The following SDK1 variants were observed in gnomAD, a reference collection of about 807,000 sequenced individuals.
SDK1 encodes the protein sidekick cell adhesion molecule 1, also known as protein sidekick-1.
In SDK1, 157 loss-of-function variants were observed where a neutral mutation model predicts 245.5. The observed-to-expected ratio is 0.64, with a 90% CI of 0.56 to 0.73. SDK1 has a LOEUF of 0.73. SDK1 is among the 30% of genes least tolerant of loss of function. The pLI, the probability that SDK1 is intolerant of heterozygous loss-of-function variation, is 0.00. For synonymous variants in SDK1, 1,647 were observed against 1,278.5 expected, an observed-to-expected ratio of 1.29 and a Z score of -6.15; for missense variants, 3,583 against 3,002.3, an observed-to-expected ratio of 1.19 and a Z score of -4.52.
In SDK1 at chr7:3,484,473, A is replaced by G. The variant is rs547264910; in HGVS notation, c.299-134607A>G. On this transcript the variant is annotated intron_variant, in intron 1 of 44. Coordinates refer to ENST00000404826, the MANE Select transcript of SDK1 (RefSeq NM_152744.4). ...TCCCCATGTAGACCGAGGAACGGCTATATTTTCAGTTTGGTTGGAAAAATA... is the reference window on the plus strand; with the variant it reads ...TCCCCATGTAGACCGAGGAACGGCTGTATTTTCAGTTTGGTTGGAAAAATA... Among the ~76,000 whole-genome samples, 4 of 152,296 alleles carry G rather than the reference A, an allele frequency of 2.6e-5. No individual in the cohort carries two copies. In the South Asian group the frequency reaches 8.3e-4, roughly 32 times the overall value.
chr7:3,595,652 C>G (rs1781028987), intron 1 of SDK1, among the ~76,000 whole-genome samples: 1 of 151,514 alleles, frequency 6.6e-6, no homozygotes, highest in East Asian at 1.9e-4. Context: ...AGGGGTTTGA[C>G]CTTGACTCTG....
At chr7:3,302,625 CCCCGACAAAA>C (rs1779306356) in intron 1 of SDK1, among the ~76,000 whole-genome samples, 1 of 150,518 alleles carries the variant, frequency 6.6e-6, no homozygotes, top group South Asian at 2.1e-4. Context: ...CCCTCCCCGC[CCCCGACAAAA>C]CCCGTAACGT....
At chr7:3,615,878 T>C (rs1781752131) in intron 1 of SDK1, among the ~76,000 whole-genome samples, 1 of 144,800 alleles carries the variant, frequency 6.9e-6, no homozygotes, top group African/African-American at 2.7e-5. Context: ...CTTTTTGCTG[T>C]CTTTTTTTTT....
At chr7:3,861,602 A>G (rs980188851) in intron 5 of SDK1, among the ~76,000 whole-genome samples, 4 of 152,202 alleles carry the variant, frequency 2.6e-5, no homozygotes, top group African/African-American at 9.7e-5. Context: ...TCTTCACCAG[A>G]AGGGATGTCT....
intron 4 of SDK1, among the ~76,000 whole-genome samples, chr7:3,775,421 T>A (rs569943359): frequency 1.8e-4 from 28 of 152,110 alleles, no homozygotes; most frequent in South Asian, 8.3e-4. Context: ...AAAGCCTTTT[T>A]TTTTATTTTA....
chr7:3,311,759 A>G (rs1283664090), intron 1 of SDK1, among the ~76,000 whole-genome samples: 2 of 152,214 alleles, frequency 1.3e-5, no homozygotes, highest in Non-Finnish European at 2.9e-5. Context: ...AACTGTGGAC[A>G]AAATATAACA....
chr7:3,824,806 A>T (rs1236203669), intron 5 of SDK1, among the ~76,000 whole-genome samples: 1 of 152,202 alleles, frequency 6.6e-6, no homozygotes, highest in Non-Finnish European at 1.5e-5. Context: ...CATGACTGTT[A>T]GAACTGAGAT....
chr7:3,336,065 G>T (rs972740190), intron 1 of SDK1, among the ~76,000 whole-genome samples: 4 of 152,184 alleles, frequency 2.6e-5, no homozygotes, highest in Non-Finnish European at 4.4e-5. Flanking sequence ...AGTAGGCACA[G>T]ACAGCAAAAC....
chr7:4,251,136 A>T (rs907918554), intron 44 of SDK1, among the ~76,000 whole-genome samples: 1 of 152,208 alleles, frequency 6.6e-6, no homozygotes, highest in African/African-American at 2.4e-5. Flanking sequence ...TTTCTATATT[A>T]TATGGGGGGA....
At chr7:3,815,894 T>C (rs897122134) in intron 4 of SDK1, among the ~76,000 whole-genome samples, 2 of 146,214 alleles carry the variant, frequency 1.4e-5, no homozygotes, top group Non-Finnish European at 3.0e-5. Flanking sequence ...TAACAAACTA[T>C]CTCTCAGACC....
At chr7:4,249,293 A>T (rs955222399) in intron 44 of SDK1, among the ~76,000 whole-genome samples, 12 of 152,212 alleles carry the variant, frequency 7.9e-5, no homozygotes, top group African/African-American at 2.2e-4. Flanking sequence ...AGACCTCAGC[A>T]TCTAACTGGA....
intron 4 of SDK1, among the ~76,000 whole-genome samples, chr7:3,801,719 C>T (rs556626370): frequency 8.5e-5 from 13 of 152,302 alleles, no homozygotes; most frequent in African/African-American, 3.1e-4. Context: ...GTTCCTTCTC[C>T]TCTTGCTTCC....
chr7:3,410,640 G>A (rs983400688), intron 1 of SDK1, among the ~76,000 whole-genome samples: 2 of 140,918 alleles, frequency 1.4e-5, no homozygotes, highest in African/African-American at 5.4e-5. Flanking sequence ...AGGCTGGAGT[G>A]CAGTGGCACG....
At chr7:3,385,034 TG>T (rs35423455) in intron 1 of SDK1, among the ~76,000 whole-genome samples, 71,827 of 151,930 alleles carry the variant, frequency 0.47, 18,741 homozygotes, top group East Asian at 0.61. Flanking sequence ...TAGAGACACC[TG>T]AAACATCAAA....
At chr7:4,258,805 C>T (rs561309414) in intron 44 of SDK1, among the ~76,000 whole-genome samples, 1 of 152,178 alleles carries the variant, frequency 6.6e-6, no homozygotes, top group Non-Finnish European at 1.5e-5. Flanking sequence ...GGGTGAAAGT[C>T]TTGAACCTCA....
intron 5 of SDK1, among the ~76,000 whole-genome samples, chr7:3,873,869 C>G (rs1368814217): frequency 6.6e-6 from 1 of 152,116 alleles, no homozygotes; most frequent in African/African-American, 2.4e-5. Context: ...ACTATTAGAG[C>G]CTTTAACATA....
chr7:3,848,010 C>T (rs1014397751), intron 5 of SDK1, among the ~76,000 whole-genome samples: 2 of 152,218 alleles, frequency 1.3e-5, no homozygotes, highest in African/African-American at 4.8e-5. Flanking sequence ...ATCACATCTA[C>T]CCATACACAC....
intron 4 of SDK1, among the ~76,000 whole-genome samples, chr7:3,658,748 G>A (rs896474905): frequency 6.6e-6 from 1 of 151,604 alleles, no homozygotes; most frequent in African/African-American, 2.4e-5. Context: ...CTGAGTAGCT[G>A]CGACTACAGA....
intron 1 of SDK1, among the ~76,000 whole-genome samples, chr7:3,439,915 C>A (rs1780146090): frequency 7.1e-6 from 1 of 140,416 alleles, no homozygotes; most frequent in Admixed American, 7.5e-5. Flanking sequence ...CATTAACTCC[C>A]AAACTACCCT....
Sources: gnomAD v4.1 joint callset for allele counts (sites outside exome capture counted in the v4.1 genomes callset) on GRCh38, gnomAD v4.1.1 for gene constraint, MANE v1.5 for transcripts, NCBI Gene and HGNC (gene_info 2026-07-23, HGNC 2026-07-21) for gene names.